RLF: variants seen among roughly 807,000 people sequenced by gnomAD.
The protein encoded by RLF is RLF zinc finger.
In RLF, 7 loss-of-function variants were observed where a neutral mutation model predicts 162.9. That is an observed-to-expected ratio of 0.04 (90% CI 0.02 to 0.08). RLF has a LOEUF of 0.08. Ranked by LOEUF, RLF falls within the 10% of genes least tolerant of loss-of-function variation. The pLI is 1.00. For synonymous variants in RLF, 782 were observed against 791.5 expected (o/e 0.99, Z 0.20); for missense variants, 1,664 against 2,244.7 (o/e 0.74, Z 5.23).
rs1211441461 is a variant in RLF, at chr1:40,185,860, A to C, written c.238-3195A>C. Among the ~76,000 whole-genome samples the C allele has an allele frequency of 6.7e-5, 10 of 148,506 alleles. 1 individual carries two copies. Among genetic ancestry groups the C allele is most frequent in the East Asian group, 3.9e-4 (2 of 5,072 alleles). On this transcript the variant is annotated intron_variant, in intron 1 of 7. Coordinates refer to ENST00000372771, the MANE Select transcript of RLF (RefSeq NM_012421.4). ...AAAAAAAGCAAAAAAAAAAAAAAAA[A>C]AAAAACCACAAAGGCTGGATGCGAG...
rs1014104609 is a variant in RLF, at chr1:40,240,027, A to G, written c.5325A>G (p.Lys1775=). 1.4e-5 allele frequency: 22 copies of G among 1,614,130 alleles called. No homozygotes were observed. Among genetic ancestry groups the G allele is most frequent in the Non-Finnish European group, 1.9e-5 (22 of 1,180,012 alleles). Reference sequence around the variant, plus strand: ...TGGGATTTGAATCTTCATTTCTGAAATTTATTCAGGAAAGTGAAGAGAAAG... The same window carrying G: ...TGGGATTTGAATCTTCATTTCTGAAGTTTATTCAGGAAAGTGAAGAGAAAG... The part of the protein sequence containing the change: ...KPMGFESSFL[K]FIQESEEKED... Residue 1775 remains lysine (K), a synonymous_variant, in exon 8 of 8, where the codon AAA becomes AAG. Coordinates refer to ENST00000372771, the MANE Select transcript of RLF (RefSeq NM_012421.4).
chr1:40,173,301 C>T (rs1259117597), intron 1 of RLF, among the ~76,000 whole-genome samples: 2 of 151,944 alleles, frequency 1.3e-5, no homozygotes, highest in Non-Finnish European at 2.9e-5. Context: ...ATCTTGAACT[C>T]CTGACCTCAG....
chr1:40,222,254 A>AC (rs1643010453), intron 5 of RLF, among the ~76,000 whole-genome samples: 1 of 152,194 alleles, frequency 6.6e-6, no homozygotes, highest in Non-Finnish European at 1.5e-5. Flanking sequence ...AAGAAAAAAA[A>AC]ACATAGTAAT....
At chr1:40,203,227 G>A (rs1055974481) in intron 5 of RLF, among the ~76,000 whole-genome samples, 5 of 148,710 alleles carry the variant, frequency 3.4e-5, no homozygotes, top group Non-Finnish European at 7.4e-5. Context: ...TGATTCTTGT[G>A]CCTCAGCCTC....
At position 40,164,804 on chromosome 1, in the gene RLF, C is replaced by T. The variant is rs550698566; in HGVS notation, c.237+3168C>T. Among the ~76,000 whole-genome samples the T allele has an allele frequency of 9.2e-5, 14 of 152,122 alleles. No individual in the cohort carries two copies. The East Asian group carries it at 2.7e-3, about 29-fold the overall frequency. ...GTGATTACACTTTGAGAATACTGGG[C>T]AAAGTAATTTTATGAGTAAACCACG... On this transcript the variant is annotated intron_variant, in intron 1 of 7. Transcript: ENST00000372771.
chr1:40,165,982 T>A (rs2124522243), intron 1 of RLF, among the ~76,000 whole-genome samples: 1 of 152,326 alleles, frequency 6.6e-6, no homozygotes, highest in South Asian at 2.1e-4. Flanking sequence ...ATTTATCCTT[T>A]AAGACCTGGC....
In RLF at chr1:40,236,326, G is replaced by T; in HGVS notation, c.1624G>T (p.Gly542Cys). The change falls in exon 8 of 8, where the codon GGC becomes TGC. Residue 542 changes from glycine (G) to cysteine (C), a missense_variant. Around this residue, in one of 15 missense-constraint regions of RLF, gnomAD observed 54 missense variants for 71.7 expected, o/e 0.75. Coordinates refer to ENST00000372771, the MANE Select transcript of RLF (RefSeq NM_012421.4). The surrounding 1 kb of genome is among the most constrained non-coding windows in gnomAD (Gnocchi z 7.7). ...GGAGAAAAGAGACAAAAAACCTATT[G>T]GCTCTTCTGAAAGATATCAGAGGTG... ...HKEKRDKKPI[G>C]SSERYQRWLQ... 6.2e-7 allele frequency: 1 copy of T among 1,613,856 alleles called. No individual in the cohort carries two copies. The highest frequency in any genetic ancestry group is 8.5e-7 in the Non-Finnish European group (1 of 1,179,964).
rs556806393 is a variant in RLF at position 40,169,532 on chromosome 1, C to T, written c.237+7896C>T. Among the ~76,000 whole-genome samples, 206 of 142,160 alleles carry T rather than the reference C, an allele frequency of 1.4e-3. 1 individual carries two copies. The highest frequency in any genetic ancestry group is 2.2e-3 in the Non-Finnish European group (148 of 66,344). The allele number at this position is 142,160 out of a possible 152,430, so 93.3% of individuals were successfully genotyped here. ...TCGGGAGGCTGAGGCAGGAGAATGGCGTGAACCCGGGAGGCGGAGCTTGCA... is the reference window on the plus strand; with the variant it reads ...TCGGGAGGCTGAGGCAGGAGAATGGTGTGAACCCGGGAGGCGGAGCTTGCA... On this transcript the variant is annotated intron_variant, in intron 1 of 7. Coordinates refer to ENST00000372771, the MANE Select transcript of RLF (RefSeq NM_012421.4).
chr1:40,202,620 T>G lies in RLF; in HGVS notation c.810+6T>G. On this transcript the variant is annotated splice_donor_region_variant and intron_variant, in intron 5 of 7. Transcript: ENST00000372771. ...ATGAAGATGCTATTAAGGAGGTGAGTAAATAATTGTTGTCATTCAAACTTG... is the reference window on the plus strand; with the variant it reads ...ATGAAGATGCTATTAAGGAGGTGAGGAAATAATTGTTGTCATTCAAACTTG... The G allele has an allele frequency of 1.4e-5, 19 of 1,358,244 alleles. No individual in the cohort carries two copies. The highest frequency in any genetic ancestry group is 1.7e-5 in the Non-Finnish European group (17 of 997,972). 84.1% of individuals were successfully genotyped at this position (1,358,244 alleles called of 1,614,324 possible).
At chr1:40,200,523 TTAAAAA>T (rs755321361) in intron 4 of RLF, among the ~76,000 whole-genome samples, 9 of 152,084 alleles carry the variant, frequency 5.9e-5, no homozygotes, top group Non-Finnish European at 8.8e-5. Flanking sequence ...TATTCAGTTG[TTAAAAA>T]TAAGAAGATA....
At chr1:40,224,831 A>C (rs1643046777) in intron 6 of RLF, among the ~76,000 whole-genome samples, 1 of 151,290 alleles carries the variant, frequency 6.6e-6, no homozygotes. Flanking sequence ...TACTAAAAAT[A>C]CAAAAATTAG....
chr1:40,222,632 G>C lies in RLF; in HGVS notation c.869G>C (p.Gly290Ala). The C allele has an allele frequency of 6.2e-7, 1 of 1,613,468 alleles. No individual in the cohort carries two copies. Reference protein sequence around the residue: ...LDIICNLESEGQDNTAFVLCT... With the variant: ...LDIICNLESEAQDNTAFVLCT... Reference sequence around the variant, plus strand: ...ATCATTTGTAATCTGGAATCTGAGGGGCAGGATAACACAGCATTTGTTCTT... The same window carrying C: ...ATCATTTGTAATCTGGAATCTGAGGCGCAGGATAACACAGCATTTGTTCTT... Residue 290 changes from glycine to alanine, a missense_variant, in exon 6 of 8, where the codon GGG becomes GCG. Around this residue, in one of 15 missense-constraint regions of RLF, gnomAD observed 287 missense variants for 404.9 expected, o/e 0.71. Transcript: ENST00000372771.
chr1:40,201,343 C>T (rs1042199337), intron 4 of RLF, among the ~76,000 whole-genome samples: 1 of 151,536 alleles, frequency 6.6e-6, no homozygotes, highest in Non-Finnish European at 1.5e-5. Context: ...ATTGAGGGCT[C>T]GGCCGGGTGC....
chr1:40,191,241 T>C (rs1409872716), intron 3 of RLF, among the ~76,000 whole-genome samples: 2 of 152,118 alleles, frequency 1.3e-5, no homozygotes, highest in Non-Finnish European at 2.9e-5. Context: ...TCCTAACACT[T>C]TAAGAATTGT....
chr1:40,235,420 A>G lies in RLF; in HGVS notation c.1090-372A>G, dbSNP rs192014613. 1.7e-3 allele frequency among the ~76,000 whole-genome samples: 258 copies of G among 152,300 alleles called. 1 individual carries two copies. Among genetic ancestry groups the G allele is most frequent in the African/African-American group, 5.9e-3 (247 of 41,566 alleles). On this transcript the variant is annotated intron_variant, in intron 7 of 7. Coordinates refer to ENST00000372771, the MANE Select transcript of RLF (RefSeq NM_012421.4). ...TATACCTGTGTTTCCTGTTGCTGCC[A>G]TTTTAAACCCTGCCCCTCTACTCAA...
chr1:40,168,601 C>T (rs555004067), intron 1 of RLF, among the ~76,000 whole-genome samples: 2 of 152,336 alleles, frequency 1.3e-5, no homozygotes, highest in South Asian at 4.1e-4. Context: ...GCAGGGATCA[C>T]ACCTTATTGT....
At chr1:40,218,347 A>G (rs994893248) in intron 5 of RLF, among the ~76,000 whole-genome samples, 1 of 152,234 alleles carries the variant, frequency 6.6e-6, no homozygotes, top group East Asian at 1.9e-4. Context: ...GCCCCCACTA[A>G]CTCCCTTGGC....
At position 40,238,406 on chromosome 1, in the gene RLF, C is replaced by T. The variant is rs749409048; in HGVS notation, c.3704C>T (p.Pro1235Leu). ...TGTTCTGCAGAACTTGGAGGTGATC[C>T]CAGTAGTAACTCTGAGAAACCACAC... ...GDCSAELGGD[P>L]SSNSEKPHCH... The change falls in exon 8 of 8, where the codon CCC (proline) becomes CTC (leucine). Residue 1235 changes from proline (P) to leucine (L), a missense_variant. Around this residue, in one of 15 missense-constraint regions of RLF, gnomAD observed 102 missense variants for 109.5 expected, o/e 0.93. Coordinates refer to ENST00000372771, the MANE Select transcript of RLF (RefSeq NM_012421.4). This position sits in a 1 kb window ranked among gnomAD's most constrained non-coding sequence, Gnocchi z 5.2. 4.3e-6 allele frequency: 7 copies of T among 1,613,806 alleles called. No individual in the cohort carries two copies. The highest frequency in any genetic ancestry group is 5.9e-6 in the Non-Finnish European group (7 of 1,179,972).
chr1:40,197,422 T>G (rs910841081), intron 4 of RLF, among the ~76,000 whole-genome samples: 1 of 152,132 alleles, frequency 6.6e-6, no homozygotes, highest in Non-Finnish European at 1.5e-5. Flanking sequence ...GCAGATCCTA[T>G]CCAGATAAGT....
Sources: allele counts gnomAD v4.1 joint callset (sites outside exome capture counted in the v4.1 genomes callset), GRCh38; gene constraint gnomAD v4.1.1; regional missense constraint gnomAD v4.1.1; non-coding constraint Gnocchi (gnomAD v3.1); transcripts MANE v1.5; gene names NCBI Gene and HGNC (gene_info 2026-07-23, HGNC 2026-07-21).